Variants in NAV2 observed in about 807,000 individuals in gnomAD.
NAV2 encodes neuron navigator 2, also known as helicase, APC down-regulated 1.
NAV2 carries 54 observed loss-of-function variants against 223.2 expected under a neutral mutation model. That is an observed-to-expected ratio of 0.24 (90% CI 0.19 to 0.30). The LOEUF (loss-of-function observed/expected upper bound fraction) is 0.30, where lower values mean the gene tolerates loss of function less well. Ranked by LOEUF, NAV2 falls within the 10% of genes least tolerant of loss-of-function variation. NAV2 has a pLI of 1.00. For missense variants in NAV2, 2,806 were observed against 3,147.5 expected, an observed-to-expected ratio of 0.89 and a Z score of 2.60; for synonymous variants, 1,279 against 1,239.3, an observed-to-expected ratio of 1.03 and a Z score of -0.67.
rs11267537 is a variant in NAV2, at chr11:20,106,175, A to ATATATATATATGTG, written c.6841+449_6841+450insATATATATATGTGT. 2.2e-4 allele frequency among the ~76,000 whole-genome samples: 8 copies of ATATATATATATGTG among 35,840 alleles called. 1 individual carries two copies. The highest frequency in any genetic ancestry group is 1.1e-3 in the East Asian group (1 of 950). 23.5% of individuals were successfully genotyped at this position (35,840 alleles called of 152,430 possible). A position where few individuals can be genotyped will look rare whatever the true frequency, so the allele number is the denominator to read the frequency against. ...TGTGTGTATATATATATATATATAT[A>ATATATATATATGTG]TGTGTGTGTATATATATATATATAT... is the stretch of plus-strand genomic sequence containing the variant. On this transcript the variant is annotated intron_variant, in intron 35 of 37. Coordinates refer to ENST00000349880, the MANE Select transcript of NAV2 (RefSeq NM_145117.5).
chr11:19,949,695 A>G (rs2047224803), intron 10 of NAV2, among the ~76,000 whole-genome samples: 1 of 152,192 alleles, frequency 6.6e-6, no homozygotes, highest in Non-Finnish European at 1.5e-5. Flanking sequence ...TTGGAAGATT[A>G]TCACTATTCG....
chr11:20,061,459 C>G (rs895431962), intron 19 of NAV2, among the ~76,000 whole-genome samples: 1 of 151,812 alleles, frequency 6.6e-6, no homozygotes, highest in Non-Finnish European at 1.5e-5. Flanking sequence ...ATCCCAGCTA[C>G]TCAGGAGGCT....
intron 10 of NAV2, among the ~76,000 whole-genome samples, chr11:19,968,202 G>T (rs2048931571): frequency 6.6e-6 from 1 of 152,072 alleles, no homozygotes; most frequent in Non-Finnish European, 1.5e-5. Context: ...TTGTTTGTTT[G>T]TTTGTTTGTT....
At chr11:19,927,387 G>T (rs1057500925) in intron 6 of NAV2, among the ~76,000 whole-genome samples, 2 of 152,204 alleles carry the variant, frequency 1.3e-5, no homozygotes, top group African/African-American at 4.8e-5. Context: ...TTCCAGACCA[G>T]CCTGGCCAAC....
At chr11:19,824,923 T>A (rs183618679) in intron 1 of NAV2, among the ~76,000 whole-genome samples, 136 of 152,292 alleles carry the variant, frequency 8.9e-4, no homozygotes, top group Non-Finnish European at 1.8e-3. Context: ...ACTCTACTAT[T>A]GTTGCAAAAT....
In NAV2 at chr11:19,909,220, T is replaced by C. The variant is rs145895532; in HGVS notation, c.931+16626T>C. 3.2e-3 allele frequency among the ~76,000 whole-genome samples: 486 copies of C among 152,308 alleles called. 3 individuals are homozygous for C. Among genetic ancestry groups the C allele is most frequent in the African/African-American group, 0.011 (456 of 41,574 alleles). ...GAAGGAAAGAATTTCTGGTCCTCCT[T>C]TCCCTGTATATATTTAACTTTAATC... is the stretch of plus-strand genomic sequence containing the variant. On this transcript the variant is annotated intron_variant, in intron 6 of 37. Coordinates refer to ENST00000349880, the MANE Select transcript of NAV2 (RefSeq NM_145117.5).
chr11:19,608,580 A>G (rs893625364), intron 1 of NAV2, among the ~76,000 whole-genome samples: 4 of 152,368 alleles, frequency 2.6e-5, no homozygotes, highest in South Asian at 2.1e-4. Flanking sequence ...TCTGGAGGAG[A>G]AAAGATAGCC....
intron 4 of NAV2, among the ~76,000 whole-genome samples, chr11:19,869,573 C>T (rs1001272099): frequency 2.0e-5 from 3 of 152,278 alleles, no homozygotes; most frequent in Middle Eastern, 3.4e-3. Flanking sequence ...CTGGAGATGG[C>T]TGGTTCGAAT....
intron 5 of NAV2, among the ~76,000 whole-genome samples, chr11:19,884,780 GTGTTGTTGT>G (rs66462782): frequency 4.0e-5 from 6 of 151,010 alleles, no homozygotes; most frequent in South Asian, 4.2e-4. Context: ...CTTGTGCTTT[GTGTTGTTGT>G]TGTTGTTGTT....
intron 2 of NAV2, among the ~76,000 whole-genome samples, chr11:19,837,410 C>T (rs1421449339): frequency 3.3e-5 from 5 of 152,040 alleles, no homozygotes; most frequent in South Asian, 4.2e-4. Context: ...GCAGGATTTT[C>T]GCATAGTCTC....
intron 3 of NAV2, among the ~76,000 whole-genome samples, chr11:19,843,494 C>T (rs897290075): frequency 6.6e-6 from 1 of 152,144 alleles, no homozygotes; most frequent in African/African-American, 2.4e-5. Context: ...TACATAACCC[C>T]CAAAACTAAT....
At chr11:19,450,682 A>G (rs1851760125) in intron 1 of NAV2, among the ~76,000 whole-genome samples, 1 of 152,234 alleles carries the variant, frequency 6.6e-6, no homozygotes, top group East Asian at 1.9e-4. Flanking sequence ...TAAATTAACA[A>G]GATTTCCCTG....
At chr11:19,605,121 G>A (rs2046443342) in intron 1 of NAV2, among the ~76,000 whole-genome samples, 1 of 152,182 alleles carries the variant, frequency 6.6e-6, no homozygotes, top group Admixed American at 6.5e-5. Context: ...AGCCCACACA[G>A]CCTTTGTCCA....
chr11:19,358,391 G>C (rs1853743808), intron 1 of NAV2, among the ~76,000 whole-genome samples: 1 of 152,164 alleles, frequency 6.6e-6, no homozygotes, highest in South Asian at 2.1e-4. Context: ...GGAATTGGAG[G>C]TCATTTGGGG....
chr11:19,724,123 C>G (rs150272198), intron 1 of NAV2, among the ~76,000 whole-genome samples: 316 of 152,300 alleles, frequency 2.1e-3, no homozygotes, highest in African/African-American at 7.0e-3. Flanking sequence ...GTTCCCATAG[C>G]TCCATTGTAC....
intron 22 of NAV2, among the ~76,000 whole-genome samples, chr11:20,070,033 C>A (rs1472034929): frequency 6.6e-6 from 1 of 152,102 alleles, no homozygotes; most frequent in African/African-American, 2.4e-5. Context: ...ACGTAGGAGA[C>A]CACAACGTGT....
chr11:19,803,016 C>T (rs1057424336), intron 1 of NAV2, among the ~76,000 whole-genome samples: 16 of 152,244 alleles, frequency 1.1e-4, no homozygotes, highest in African/African-American at 3.4e-4. Flanking sequence ...TGCACAGAGA[C>T]GGTTGTGTGT....
intron 10 of NAV2, among the ~76,000 whole-genome samples, chr11:19,955,672 A>G (rs925608007): frequency 2.0e-5 from 3 of 152,178 alleles, no homozygotes; most frequent in Admixed American, 6.5e-5. Flanking sequence ...ACTGAACATT[A>G]TGGGACAAAT....
chr11:19,899,235 C>T (rs559163199), intron 6 of NAV2, among the ~76,000 whole-genome samples: 86 of 152,294 alleles, frequency 5.6e-4, no homozygotes, highest in Admixed American at 9.2e-4. Flanking sequence ...CCAGACATGG[C>T]TCGAGACAGA....
Sources: allele counts gnomAD v4.1 joint callset (sites outside exome capture counted in the v4.1 genomes callset), GRCh38; gene constraint gnomAD v4.1.1; transcripts MANE v1.5; gene names NCBI Gene and HGNC (gene_info 2026-07-23, HGNC 2026-07-21).